ETFDH: variants seen among roughly 807,000 people sequenced by gnomAD.
The protein encoded by ETFDH is electron transfer flavoprotein dehydrogenase.
A neutral mutation model predicts 73.2 loss-of-function variants in ETFDH; 61 were observed. The ratio of observed to expected loss-of-function variants is 0.83; its 90% confidence interval spans 0.68 to 1.03. The LOEUF is 1.03. Among genes scored for constraint, ETFDH ranks in the 50% least tolerant of loss-of-function variants. The probability of loss-of-function intolerance (pLI) is 0.00; values close to 1 mark genes in which losing one functional copy is unlikely to be tolerated. For missense variants in ETFDH, 685 were observed against 745.0 expected, an observed-to-expected ratio of 0.92 and a Z score of 0.94; for synonymous variants, 243 against 253.3, an observed-to-expected ratio of 0.96 and a Z score of 0.39.
rs184147588 is a variant in ETFDH at position 158,708,279 on chromosome 4, G to A, written c.1691-85G>A. 9 of 980,334 alleles carry A rather than the reference G, an allele frequency of 9.2e-6. No homozygotes were observed. In the East Asian group the frequency reaches 2.3e-4, roughly 25 times the overall value. 60.7% of individuals were successfully genotyped at this position (980,334 alleles called of 1,614,324 possible). On this transcript the variant is annotated intron_variant, in intron 12 of 12. Coordinates refer to ENST00000511912, the MANE Select transcript of ETFDH (RefSeq NM_004453.4). ...AGAAAGCAACCTTTAAGGTTTCTGT[G>A]GCTACTCTTTCCTTAATTTTTACTT... is the stretch of plus-strand genomic sequence containing the variant.
chr4:158,700,330 G>GAAATA (rs140422686), intron 9 of ETFDH, among the ~76,000 whole-genome samples: 8,846 of 152,076 alleles, frequency 0.058, 393 homozygotes, highest in Non-Finnish European at 0.088. Context: ...TCCTTTGGTA[G>GAAATA]AAATATGTAT....
chr4:158,706,628 G>A lies in ETFDH; in HGVS notation c.1469-1G>A. ...AAGCATTTCCCTCAAAATTGTTGAA[G>A]GTTCTGACTTTGAACGGCTCAAGCC... On this transcript the variant is annotated splice_acceptor_variant, in intron 11 of 12. Coordinates refer to ENST00000511912, the MANE Select transcript of ETFDH (RefSeq NM_004453.4). LOFTEE classifies it high-confidence loss of function. The A allele has an allele frequency of 6.2e-7, 1 of 1,611,342 alleles. No homozygotes were observed. Among genetic ancestry groups the A allele is most frequent in the South Asian group, 1.1e-5 (1 of 91,002 alleles).
chr4:158,677,131 A>G lies in ETFDH; in HGVS notation c.35-3336A>G, dbSNP rs180750611. The stretch of plus-strand genomic sequence containing the variant: ...TGTTCTATCAAAGAAACCATTGCCT[A>G]AACCCAAGTGTTGATGAAAAAGCCA... On this transcript the variant is annotated intron_variant, in intron 1 of 12. Transcript: ENST00000511912. 6.6e-5 allele frequency among the ~76,000 whole-genome samples: 10 copies of G among 152,332 alleles called. No individual in the cohort carries two copies. In the East Asian group the frequency reaches 1.9e-3, roughly 29 times the overall value.
intron 6 of ETFDH, among the ~76,000 whole-genome samples, chr4:158,695,104 G>T (rs560643475): frequency 6.6e-6 from 1 of 152,284 alleles, no homozygotes; most frequent in South Asian, 2.1e-4. Flanking sequence ...TTGTTCAAGG[G>T]TCAGCTCTAT....
intron 1 of ETFDH, among the ~76,000 whole-genome samples, chr4:158,676,104 A>G (rs113222852): frequency 5.3e-5 from 8 of 152,340 alleles, no homozygotes; most frequent in Middle Eastern, 3.4e-3. Flanking sequence ...AGGCGGCTGT[A>G]CAGGAGACCA....
At position 158,697,618 on chromosome 4, in the gene ETFDH, G is replaced by A; in HGVS notation, c.891G>A (p.Trp297Ter). ...KPGRVDHTVG[W>*]PLDRHTYGGS... Reference sequence around the variant, plus strand: ...GGAGAGTAGATCACACTGTTGGTTGGCCCTTGGACAGACATACCTATGGAG... The same window carrying A: ...GGAGAGTAGATCACACTGTTGGTTGACCCTTGGACAGACATACCTATGGAG... The change falls in exon 8 of 13, where the codon TGG becomes TGA. Residue 297 changes from tryptophan (W) to a stop codon, truncating the protein, a stop_gained. Coordinates refer to ENST00000511912, the MANE Select transcript of ETFDH (RefSeq NM_004453.4). LOFTEE classifies it high-confidence loss of function. 6.2e-7 allele frequency: 1 copy of A among 1,613,154 alleles called. No individual in the cohort carries two copies. Among genetic ancestry groups the A allele is most frequent in the Non-Finnish European group, 8.5e-7 (1 of 1,179,430 alleles).
At chr4:158,692,510 G>T (rs542834813) in intron 6 of ETFDH, among the ~76,000 whole-genome samples, 1 of 151,696 alleles carries the variant, frequency 6.6e-6, no homozygotes, top group South Asian at 2.1e-4. Context: ...AGCCTGTCCT[G>T]CAGTAAGGCC....
chr4:158,677,764 G>T (rs1284940759), intron 1 of ETFDH, among the ~76,000 whole-genome samples: 2 of 152,162 alleles, frequency 1.3e-5, no homozygotes, highest in African/African-American at 4.8e-5. Flanking sequence ...CTCCAAAAGG[G>T]AGAGGGTATA....
At chr4:158,688,031 T>C (rs1047703785) in intron 5 of ETFDH, among the ~76,000 whole-genome samples, 1 of 149,058 alleles carries the variant, frequency 6.7e-6, no homozygotes, top group Non-Finnish European at 1.5e-5. Context: ...CAGAGCGAGA[T>C]TCCATCTCAA....
At position 158,685,137 on chromosome 4, in the gene ETFDH, G is replaced by A. The variant is rs121964955; in HGVS notation, c.524G>A (p.Arg175His). ...PMNNHGNYIV[R>H]LGHLVSWMGE... ...AATAATCATGGCAATTACATTGTAC[G>A]CTTGGGACATTTAGTGAGCTGGATG... is the stretch of plus-strand genomic sequence containing the variant. The change falls in exon 5 of 13, where the codon CGC becomes CAC. Residue 175 changes from arginine to histidine, a missense_variant. Transcript: ENST00000511912. 14 of 1,611,638 alleles carry A rather than the reference G, an allele frequency of 8.7e-6. No individual in the cohort carries two copies. The highest frequency in any genetic ancestry group is 4.0e-5 in the African/African-American group (3 of 74,818).
At chr4:158,686,497 C>G (rs1774008110) in intron 5 of ETFDH, among the ~76,000 whole-genome samples, 1 of 152,192 alleles carries the variant, frequency 6.6e-6, no homozygotes, top group Non-Finnish European at 1.5e-5. Context: ...AGAGAGGAAG[C>G]TAAGCAAGGC....
Position 158,706,322 on chromosome 4 carries a change from C to G in ETFDH, c.1419C>G (p.Ile473Met). The G allele has an allele frequency of 6.2e-7, 1 of 1,613,544 alleles. No homozygotes were observed. The highest frequency in any genetic ancestry group is 1.1e-5 in the South Asian group (1 of 91,072). ...GVYGGMIYTGIFYWILRGMEP... is the reference protein window; with the variant it reads ...GVYGGMIYTGMFYWILRGMEP... Reference sequence around the variant, plus strand: ...ATGGAGGGATGATTTACACTGGAATCTTTTACTGGATATTGAGAGGAATGG... The same window carrying G: ...ATGGAGGGATGATTTACACTGGAATGTTTTACTGGATATTGAGAGGAATGG... Residue 473 changes from isoleucine to methionine, a missense_variant, in exon 11 of 13, where the codon ATC (isoleucine) becomes ATG (methionine). Around this residue, in one of 3 missense-constraint regions of ETFDH, gnomAD observed 201 missense variants for 225.2 expected, o/e 0.89. Transcript: ENST00000511912.
At chr4:158,707,006 G>T (rs1774642064) in intron 12 of ETFDH, among the ~76,000 whole-genome samples, 156 bp downstream of exon 12, 2 of 147,492 alleles carry the variant, frequency 1.4e-5, no homozygotes, top group South Asian at 2.1e-4. Flanking sequence ...TTAACTACTG[G>T]TTTTGTTAAG....
At chr4:158,704,122 C>G (rs912271648) in intron 10 of ETFDH, among the ~76,000 whole-genome samples, 1 of 152,168 alleles carries the variant, frequency 6.6e-6, no homozygotes, top group South Asian at 2.1e-4. Context: ...AAGAAAAGAA[C>G]CAGTGGTGTC....
Position 158,697,550 on chromosome 4 carries a change from T to C in ETFDH, c.832-9T>C. The C allele has an allele frequency of 6.2e-7, 1 of 1,608,874 alleles. No individual in the cohort carries two copies. The highest frequency in any genetic ancestry group is 8.5e-7 in the Non-Finnish European group (1 of 1,178,778). On this transcript the variant is annotated splice_polypyrimidine_tract_variant and intron_variant, in intron 7 of 12. Transcript: ENST00000511912. ...GCAGGACTTTTTTGTTTGCTTTTTT[T>C]TTTTTTAGTTATGGGTTATTGATGA...
At chr4:158,706,489 C>CT (rs1365466054) in intron 11 of ETFDH, 118 bp downstream of exon 11, 3 of 1,109,442 alleles carry the variant, frequency 2.7e-6, no homozygotes, top group Non-Finnish European at 4.1e-6. Flanking sequence ...AATTTAGTGT[C>CT]TAAGAACAGT....
chr4:158,704,347 C>T (rs1010628133), intron 10 of ETFDH, among the ~76,000 whole-genome samples: 8 of 152,142 alleles, frequency 5.3e-5, no homozygotes, highest in African/African-American at 1.9e-4. Flanking sequence ...GCACTTATAC[C>T]TCCGTAAAGC....
chr4:158,697,496 TG>T, intron 7 of ETFDH, 62 bp from the exon 8 acceptor site: 1 of 1,398,664 alleles, frequency 7.1e-7, no homozygotes, highest in Non-Finnish European at 1.0e-6. Context: ...TTATGCATTG[TG>T]GTGACATAAA....
At chr4:158,699,801 A>C (rs1475014520) in intron 9 of ETFDH, among the ~76,000 whole-genome samples, 1 of 152,166 alleles carries the variant, frequency 6.6e-6, no homozygotes, top group African/African-American at 2.4e-5. Flanking sequence ...TTTTACCTTA[A>C]TTGTCCTATT....
Sources: gnomAD v4.1 joint callset for allele counts (sites outside exome capture counted in the v4.1 genomes callset) on GRCh38, gnomAD v4.1.1 for gene constraint, gnomAD v4.1.1 regional missense constraint, MANE v1.5 for transcripts, NCBI Gene and HGNC (gene_info 2026-07-23, HGNC 2026-07-21) for gene names.